The following SPOCK3 variants were observed in gnomAD, a reference collection of about 807,000 sequenced individuals.
SPOCK3 encodes testican-3.
SPOCK3 carries 30 observed loss-of-function variants against 56.6 expected under a neutral mutation model. The observed-to-expected ratio is 0.53, with a 90% CI of 0.40 to 0.72. The LOEUF (loss-of-function observed/expected upper bound fraction) is 0.72, where lower values mean the gene tolerates loss of function less well. SPOCK3 is among the 30% of genes least tolerant of loss of function. The pLI, the probability that SPOCK3 is intolerant of heterozygous loss-of-function variation, is 0.00. For synonymous variants in SPOCK3, 196 were observed against 183.3 expected (o/e 1.07, Z -0.56); for missense variants, 527 against 530.0 (o/e 0.99, Z 0.06).
At chr4:167,135,147 G>A (rs1763008966) in intron 2 of SPOCK3, among the ~76,000 whole-genome samples, 1 of 150,732 alleles carries the variant, frequency 6.6e-6, no homozygotes, top group Non-Finnish European at 1.5e-5. Flanking sequence ...TATAATTAGT[G>A]ACTGATTTAA....
intron 2 of SPOCK3, among the ~76,000 whole-genome samples, chr4:167,068,178 A>G (rs573801587): frequency 6.6e-6 from 1 of 151,898 alleles, no homozygotes; most frequent in African/African-American, 2.4e-5. Context: ...TTAATATATT[A>G]GAATGAAAAA....
intron 6 of SPOCK3, among the ~76,000 whole-genome samples, chr4:166,870,865 G>A (rs1050625882): frequency 1.3e-5 from 2 of 152,002 alleles, no homozygotes; most frequent in Non-Finnish European, 2.9e-5. Flanking sequence ...TGGATCATGG[G>A]GATGGTACCC....
At chr4:167,093,150 T>C (rs79488023) in intron 2 of SPOCK3, among the ~76,000 whole-genome samples, 1 of 152,160 alleles carries the variant, frequency 6.6e-6, no homozygotes, top group Non-Finnish European at 1.5e-5. Flanking sequence ...ACTACTGCTG[T>C]TATTTACTTT....
intron 5 of SPOCK3, among the ~76,000 whole-genome samples, chr4:166,892,652 A>C (rs1734906494): frequency 6.6e-6 from 1 of 152,090 alleles, no homozygotes. Flanking sequence ...GGGCATGCTC[A>C]TTAGTCTATA....
At chr4:167,135,557 G>A (rs367790045) in intron 2 of SPOCK3, among the ~76,000 whole-genome samples, 10 of 152,234 alleles carry the variant, frequency 6.6e-5, no homozygotes, top group East Asian at 1.9e-4. Flanking sequence ...CTGACCACCA[G>A]TGTACTATAT....
chr4:166,765,468 G>T (rs1385927689), intron 7 of SPOCK3, among the ~76,000 whole-genome samples: 1 of 152,042 alleles, frequency 6.6e-6, no homozygotes, highest in Non-Finnish European at 1.5e-5. Context: ...TCTTGTTTTT[G>T]TCAGGTTTGT....
chr4:167,234,178 GA>G lies in SPOCK3; in HGVS notation c.1-6del, dbSNP rs1296083848. ...TACGGCTGACACCTTGAGCATCTGG[GA>G]GAGGAGACACAACGGGGGGTGGGGG... On this transcript the variant is annotated splice_polypyrimidine_tract_variant and splice_region_variant and intron_variant, in intron 1 of 10. Coordinates refer to ENST00000357545, the MANE Select transcript of SPOCK3 (RefSeq NM_001040159.2). 1.1e-5 allele frequency: 18 copies of G among 1,609,476 alleles called. No individual in the cohort carries two copies. Among genetic ancestry groups the G allele is most frequent in the Non-Finnish European group, 1.4e-5 (17 of 1,176,756 alleles).
At chr4:167,039,490 T>C (rs776797741) in intron 3 of SPOCK3, among the ~76,000 whole-genome samples, 23 of 152,178 alleles carry the variant, frequency 1.5e-4, no homozygotes, top group Non-Finnish European at 3.2e-4. Flanking sequence ...TAGCACATTA[T>C]ATATGTGTAT....
chr4:167,045,918 T>C (rs183062827), intron 3 of SPOCK3, among the ~76,000 whole-genome samples: 1 of 152,290 alleles, frequency 6.6e-6, no homozygotes, highest in East Asian at 1.9e-4. Flanking sequence ...TTTATGTAGA[T>C]CTGAGTTTCT....
At chr4:167,165,689 T>C (rs774931567) in intron 2 of SPOCK3, among the ~76,000 whole-genome samples, 2 of 152,000 alleles carry the variant, frequency 1.3e-5, no homozygotes, top group East Asian at 1.9e-4. Flanking sequence ...AATATAATGG[T>C]TAAAACTATA....
chr4:167,131,566 G>A (rs1047764930), intron 2 of SPOCK3, among the ~76,000 whole-genome samples: 3 of 152,254 alleles, frequency 2.0e-5, no homozygotes, highest in Non-Finnish European at 2.9e-5. Flanking sequence ...TCACGCCATT[G>A]CACTCCAGCC....
At chr4:167,066,942 C>A (rs1297348658) in intron 2 of SPOCK3, among the ~76,000 whole-genome samples, 3 of 151,804 alleles carry the variant, frequency 2.0e-5, no homozygotes, top group Non-Finnish European at 4.4e-5. Flanking sequence ...ACGGAAAGGT[C>A]AACTGTTTGG....
intron 6 of SPOCK3, among the ~76,000 whole-genome samples, chr4:166,864,442 C>A (rs527660681): frequency 6.6e-6 from 1 of 151,904 alleles, no homozygotes; most frequent in Non-Finnish European, 1.5e-5. Flanking sequence ...CAGGGAAGAA[C>A]TGAAGGAGAT....
At chr4:166,837,719 A>T (rs1234973063) in intron 6 of SPOCK3, among the ~76,000 whole-genome samples, 1 of 152,166 alleles carries the variant, frequency 6.6e-6, no homozygotes, top group Non-Finnish European at 1.5e-5. Flanking sequence ...ACTCAATAGG[A>T]AAAGGAAAGT....
intron 2 of SPOCK3, among the ~76,000 whole-genome samples, chr4:167,151,498 G>T (rs948704087): frequency 6.8e-6 from 1 of 146,540 alleles, no homozygotes; most frequent in Admixed American, 7.0e-5. Context: ...GCAGTGGCAT[G>T]ATCTCGACTC....
intron 2 of SPOCK3, among the ~76,000 whole-genome samples, chr4:167,206,733 CTTTTG>C (rs1734377954): frequency 6.7e-6 from 1 of 150,188 alleles, no homozygotes; most frequent in Admixed American, 6.6e-5. Context: ...TTTCTTTTTT[CTTTTG>C]TTTTGTGATG....
intron 4 of SPOCK3, among the ~76,000 whole-genome samples, chr4:166,987,398 C>T (rs1281886430): frequency 1.3e-5 from 2 of 152,176 alleles, no homozygotes; most frequent in East Asian, 1.9e-4. Context: ...CCTCAGTCAC[C>T]TCTATATCTG....
chr4:167,096,424 T>C (rs2150317403), intron 2 of SPOCK3, among the ~76,000 whole-genome samples: 1 of 151,974 alleles, frequency 6.6e-6, no homozygotes, highest in East Asian at 1.9e-4. Flanking sequence ...TTTCTTTTGC[T>C]GCATCCTACA....
At chr4:166,788,121 G>A (rs1740935713) in intron 7 of SPOCK3, among the ~76,000 whole-genome samples, 3 of 152,152 alleles carry the variant, frequency 2.0e-5, no homozygotes, top group Admixed American at 2.0e-4. Context: ...GGCGGAGGTT[G>A]CAGTGAGCTG....
Sources: gnomAD v4.1 joint callset for allele counts (sites outside exome capture counted in the v4.1 genomes callset) on GRCh38, gnomAD v4.1.1 for gene constraint, MANE v1.5 for transcripts, NCBI Gene and HGNC (gene_info 2026-07-23, HGNC 2026-07-21) for gene names.